OPLAH: variants seen among roughly 807,000 people sequenced by gnomAD.
The protein encoded by OPLAH is 5-oxoprolinase.
OPLAH carries 103 observed loss-of-function variants against 122.8 expected under a neutral mutation model. That is an observed-to-expected ratio of 0.84 (90% CI 0.71 to 0.99). OPLAH has a LOEUF of 0.99. OPLAH is among the 50% of genes least tolerant of loss of function. The probability of loss-of-function intolerance (pLI) is 0.00; values close to 1 mark genes in which losing one functional copy is unlikely to be tolerated. For missense variants in OPLAH, 1,902 were observed against 1,836.5 expected (o/e 1.04, Z -0.65); for synonymous variants, 875 against 796.0 (o/e 1.10, Z -1.67).
At position 144,056,789 on chromosome 8, in the gene OPLAH, C is replaced by A. The variant is rs372956158; in HGVS notation, c.1707-34G>T. On this transcript the variant is annotated intron_variant, in intron 12 of 26. Transcript: ENST00000618853. ...GGTGGTTGGGGGCACTCACACCAAA[C>A]CCCCTGCCCTGACCCCACCCCACCC... The A allele has an allele frequency of 1.9e-6, 3 of 1,580,088 alleles. No individual in the cohort carries two copies. The Admixed American group carries it at 5.2e-5, about 27-fold the overall frequency.
At chr8:144,051,142 C>T, downstream of OPLAH, 1 of 1,425,376 alleles carries the variant, frequency 7.0e-7, no homozygotes, top group Non-Finnish European at 9.1e-7. Flanking sequence ...TTCAGTACCG[C>T]CCTGGAGGGG....
In OPLAH at chr8:144,057,036, C is replaced by T. The variant is rs557568006; in HGVS notation, c.1618G>A (p.Ala540Thr). 11 of 1,600,318 alleles carry T rather than the reference C, an allele frequency of 6.9e-6. No individual in the cohort carries two copies. The highest frequency in any genetic ancestry group is 4.5e-5 in the East Asian group (2 of 44,358). Residue 540 changes from alanine (A) to threonine (T), a missense_variant, in exon 12 of 27, where the codon GCG (alanine) becomes ACG (threonine). Ala to Thr is a moderately conservative substitution (Grantham distance 58). Coordinates refer to ENST00000618853, the MANE Select transcript of OPLAH (RefSeq NM_017570.5). ...EAQEPCSLLY[A>T]PETFVQLDQR... Reference sequence around the variant, plus strand: ...TCCAGCTGCACGAAGGTCTCAGGCGCGTAGAGCAGGGAGCAGGGTTCCTGT... The same window carrying T: ...TCCAGCTGCACGAAGGTCTCAGGCGTGTAGAGCAGGGAGCAGGGTTCCTGT...
chr8:144,057,443 C>T lies in OPLAH; in HGVS notation c.1422+5G>A, dbSNP rs1167753965. On this transcript the variant is annotated splice_donor_5th_base_variant and intron_variant, in intron 10 of 26. Transcript: ENST00000618853. ...GGACAGGCGGGAGAGCAGAGGTGGA[C>T]GTACCTGCGTGAGTGCACGGATGGG... The T allele has an allele frequency of 7.0e-6, 11 of 1,581,490 alleles. No individual in the cohort carries two copies. The highest frequency in any genetic ancestry group is 4.0e-5 in the African/African-American group (3 of 74,288).
At chr8:144,062,736 T>C (rs1835683646), upstream of OPLAH, among the ~76,000 whole-genome samples, 1 of 127,788 alleles carries the variant, frequency 7.8e-6, no homozygotes, top group Non-Finnish European at 1.6e-5. Context: ...GACCCCAAAC[T>C]CTCTCACTGC....
chr8:144,063,236 C>T (rs1030058974), upstream of OPLAH, among the ~76,000 whole-genome samples: 2 of 152,198 alleles, frequency 1.3e-5, no homozygotes, highest in South Asian at 4.1e-4. The surrounding 1 kb of genome is among the most constrained non-coding windows in gnomAD (Gnocchi z 4.2). Context: ...GGCTCCCCCA[C>T]CCAGCGAGCT....
upstream of OPLAH, among the ~76,000 whole-genome samples, chr8:144,061,571 T>C (rs1469027778): frequency 6.6e-6 from 1 of 151,276 alleles, no homozygotes; most frequent in Non-Finnish European, 1.5e-5. Flanking sequence ...AGTAAAGAAG[T>C]TGGCCAAACC....
upstream of OPLAH, among the ~76,000 whole-genome samples, chr8:144,060,968 G>A (rs1404759261): frequency 6.6e-6 from 1 of 152,234 alleles, no homozygotes; most frequent in African/African-American, 2.4e-5. Flanking sequence ...AGGGGAGCTG[G>A]CAGCCCAGGC....
Position 144,058,650 on chromosome 8 carries a change from T to C in OPLAH, c.629A>G (p.Glu210Gly). 1 of 1,599,690 alleles carries C rather than the reference T, an allele frequency of 6.3e-7. No homozygotes were observed. The highest frequency in any genetic ancestry group is 8.5e-7 in the Non-Finnish European group (1 of 1,176,560). ...HEQQVGVLARELGFTHVSLSS... is the reference protein window; with the variant it reads ...HEQQVGVLARGLGFTHVSLSS... The stretch of plus-strand genomic sequence containing the variant: ...CAGTGACACGTGCGTGAAGCCCAGC[T>C]CCCGGGCCAGCACACCCACCTGCTG... Residue 210 changes from glutamate to glycine, a missense_variant, in exon 6 of 27, where the codon GAG becomes GGG. Physicochemically the swap from Glu to Gly is moderately conservative, Grantham distance 98. Coordinates refer to ENST00000618853, the MANE Select transcript of OPLAH (RefSeq NM_017570.5).
intron 1 of OPLAH, 29 bp from the exon 2 acceptor site, chr8:144,060,114 C>A: frequency 6.8e-7 from 1 of 1,468,730 alleles, no homozygotes; most frequent in African/African-American, 1.4e-5. Flanking sequence ...AGCCCGGGCT[C>A]ACCTGCGAGT....
In OPLAH at chr8:144,054,716, G is replaced by C. The variant is rs781883139; in HGVS notation, c.2531C>G (p.Thr844Arg). ...VITPVFWPGQ[T>R]RPVFYVASRG... ...GCTGGCCACATAGAACACAGGCCGC[G>C]TCTGACCCGGCCAAAACACCTAGCG... The change falls in exon 19 of 27, where the codon ACG becomes AGG. Residue 844 changes from threonine (T) to arginine (R), a missense_variant. By Grantham distance (71) the Thr-to-Arg change is moderately conservative (BLOSUM62 -1). Around this residue, in one of 3 missense-constraint regions of OPLAH, gnomAD observed 1,726 missense variants for 1,642.1 expected, o/e 1.05. Transcript: ENST00000618853. The C allele has an allele frequency of 2.5e-6, 4 of 1,612,216 alleles. No homozygotes were observed. Among genetic ancestry groups the C allele is most frequent in the Admixed American group, 3.3e-5 (2 of 59,976 alleles).
chr8:144,058,417 A>T lies in OPLAH; in HGVS notation c.784-13T>A, dbSNP rs1835582736. 7 of 1,587,940 alleles carry T rather than the reference A, an allele frequency of 4.4e-6. No individual in the cohort carries two copies. The highest frequency in any genetic ancestry group is 6.0e-6 in the Non-Finnish European group (7 of 1,171,478). On this transcript the variant is annotated splice_polypyrimidine_tract_variant and intron_variant, in intron 6 of 26. Coordinates refer to ENST00000618853, the MANE Select transcript of OPLAH (RefSeq NM_017570.5). ...ACACCTGCACATCCTGCGAGCGGGC[A>T]GCAGGCGGGCCATGAGGGGCAGGCC... is the stretch of plus-strand genomic sequence containing the variant.
chr8:144,056,108 C>T (rs1835507005), intron 15 of OPLAH, 39 bp downstream of exon 15: 5 of 1,577,872 alleles, frequency 3.2e-6, no homozygotes, highest in Non-Finnish European at 4.3e-6. Flanking sequence ...CCGCAGTGGA[C>T]CCGTCCACAT....
chr8:144,050,444 A>G, downstream of OPLAH: 2 of 985,622 alleles, frequency 2.0e-6, no homozygotes, highest in Non-Finnish European at 2.4e-6. Context: ...CTAAACTTCG[A>G]TAACTGCTGG....
At position 144,052,228 on chromosome 8, in the gene OPLAH, G is replaced by A. The variant is rs989033248; in HGVS notation, c.3402C>T (p.Ser1134=). The stretch of plus-strand genomic sequence containing the variant: ...TGTTGGTCATGTGGCTGTGCACACC[G>A]CTGCGCCCGTGCCAGCTGGGACCCG... ...AGAGPSWHGR[S]GVHSHMTNTR... Residue 1134 remains serine, a synonymous_variant, in exon 24 of 27, where the codon AGC becomes AGT. Transcript: ENST00000618853. 1.9e-6 allele frequency: 3 copies of A among 1,568,388 alleles called. No homozygotes were observed. Among genetic ancestry groups the A allele is most frequent in the African/African-American group, 1.3e-5 (1 of 74,188 alleles).
Position 144,055,002 on chromosome 8 carries a change from G to A in OPLAH, c.2409+27C>T. The A allele has an allele frequency of 8.9e-7, 1 of 1,127,010 alleles. No homozygotes were observed. The highest frequency in any genetic ancestry group is 2.9e-5 in the East Asian group (1 of 34,330). 69.8% of individuals were successfully genotyped at this position (1,127,010 alleles called of 1,614,324 possible). A position where few individuals can be genotyped will look rare whatever the true frequency, so the allele number is the denominator to read the frequency against. Reference sequence around the variant, plus strand: ...GGGGTGGAGGGTGAGGGAGGGGGATGGAAGGGTGAGGCGGGGGAAGGGCCA... The same window carrying A: ...GGGGTGGAGGGTGAGGGAGGGGGATAGAAGGGTGAGGCGGGGGAAGGGCCA... On this transcript the variant is annotated intron_variant, in intron 17 of 26. Coordinates refer to ENST00000618853, the MANE Select transcript of OPLAH (RefSeq NM_017570.5). The surrounding 1 kb of genome is among the most constrained non-coding windows in gnomAD (Gnocchi z 6.5).
intron 18 of OPLAH, 30 bp downstream of exon 18, chr8:144,054,782 C>T (rs1554758544): frequency 1.2e-6 from 2 of 1,612,058 alleles, no homozygotes; most frequent in Non-Finnish European, 1.7e-6. Context: ...ACCACTGCCC[C>T]AGCAGAGGCA....
rs376334377 is a variant in OPLAH, at chr8:144,058,212, C to A, written c.949+27G>T. 1.4e-4 allele frequency: 226 copies of A among 1,604,272 alleles called. 2 individuals are homozygous for A. The South Asian group carries it at 2.3e-3, about 16-fold the overall frequency. ...CAGGGGCCCAGCAGCTGAGCCTCCC[C>A]GAGACCCCAGCCCTCGGCCCTCATA... On this transcript the variant is annotated intron_variant, in intron 7 of 26. Coordinates refer to ENST00000618853, the MANE Select transcript of OPLAH (RefSeq NM_017570.5).
At chr8:144,050,721 G>C, downstream of OPLAH, 1 of 985,634 alleles carries the variant, frequency 1.0e-6, no homozygotes, top group Non-Finnish European at 1.2e-6. Context: ...GGAGGGTATC[G>C]GAGCGGGAAG....
chr8:144,051,866 G>T, intron 25 of OPLAH, 40 bp from the exon 26 acceptor site: 1 of 1,491,794 alleles, frequency 6.7e-7, no homozygotes, highest in South Asian at 1.2e-5. Context: ...ACCAGGGGCG[G>T]GGGTGGGGGC....
Sources: allele counts gnomAD v4.1 joint callset (sites outside exome capture counted in the v4.1 genomes callset), GRCh38; gene constraint gnomAD v4.1.1; regional missense constraint gnomAD v4.1.1; non-coding constraint Gnocchi (gnomAD v3.1); transcripts MANE v1.5; gene names NCBI Gene and HGNC (gene_info 2026-07-23, HGNC 2026-07-21).